Variants in CNTRL observed in about 807,000 individuals in gnomAD.
CNTRL encodes the protein 110 kDa centrosomal protein.
CNTRL carries 233 observed loss-of-function variants against 303.7 expected under a neutral mutation model. The observed-to-expected ratio is 0.77, with a 90% CI of 0.69 to 0.86. The LOEUF (loss-of-function observed/expected upper bound fraction) is 0.86, where lower values mean the gene tolerates loss of function less well. CNTRL is among the 40% of genes least tolerant of loss of function. CNTRL has a pLI of 0.00. For synonymous variants in CNTRL, 900 were observed against 922.2 expected (o/e 0.98, Z 0.44); for missense variants, 2,524 against 2,650.6 (o/e 0.95, Z 1.05).
At chr9:121,080,934 A>C (rs1286146193) in intron 2 of CNTRL, among the ~76,000 whole-genome samples, 1 of 152,214 alleles carries the variant, frequency 6.6e-6, no homozygotes, top group East Asian at 1.9e-4. Flanking sequence ...ATGAAGACCC[A>C]AAAAATGCAG....
intron 16 of CNTRL, among the ~76,000 whole-genome samples, chr9:121,138,914 A>G (rs952028352): frequency 1.3e-5 from 2 of 152,208 alleles, no homozygotes; most frequent in African/African-American, 2.4e-5. Flanking sequence ...AGATAGAGGC[A>G]GTGTCAGTAG....
At chr9:121,125,049 G>T (rs72760226) in intron 13 of CNTRL, among the ~76,000 whole-genome samples, 12,573 of 151,966 alleles carry the variant, frequency 0.083, 563 homozygotes, top group Non-Finnish European at 0.11. Flanking sequence ...AAGTGTTTAG[G>T]TTACACATTT....
Position 121,101,005 on chromosome 9 carries a change from A to T in CNTRL, c.808+2433A>T, listed in dbSNP as rs372555384. Among the ~76,000 whole-genome samples the T allele has an allele frequency of 1.7e-3, 202 of 118,426 alleles. 2 individuals carry two copies. Among genetic ancestry groups the T allele is most frequent in the African/African-American group, 5.0e-3 (185 of 37,000 alleles). The allele number at this position is 118,426 out of a possible 152,430, so 77.7% of individuals were successfully genotyped here. ...ACTGTCAATGTTAGATCCACAAGAG[A>T]GAAAGTTAACAAGGATATCCAGGAA... is the stretch of plus-strand genomic sequence containing the variant. On this transcript the variant is annotated intron_variant, in intron 7 of 43. Transcript: ENST00000373855.
intron 19 of CNTRL, among the ~76,000 whole-genome samples, chr9:121,143,401 A>G: frequency 6.6e-6 from 1 of 152,142 alleles, no homozygotes; most frequent in South Asian, 2.1e-4. Flanking sequence ...AGAGCAGCCA[A>G]GATGCTCTTT....
Position 121,138,646 on chromosome 9 carries a change from C to T in CNTRL, c.2304C>T (p.Asn768=). The stretch of plus-strand genomic sequence containing the variant: ...TCTCAGAAGAAAAGGAGCAAGAGAA[C>T]AGTGAGCTCCATGCAAAACTTAAAC... ...AQFSEEKEQE[N]SELHAKLKHL... is the part of the protein sequence containing the mutation. The change falls in exon 16 of 44, where the codon AAC becomes AAT. Residue 768 remains asparagine (N), a synonymous_variant. Transcript: ENST00000373855. The T allele has an allele frequency of 6.2e-7, 1 of 1,613,940 alleles. No individual in the cohort carries two copies. Among genetic ancestry groups the T allele is most frequent in the Middle Eastern group, 1.7e-4 (1 of 6,060 alleles).
At chr9:121,082,804 T>C (rs1386792702) in intron 2 of CNTRL, among the ~76,000 whole-genome samples, 1 of 151,992 alleles carries the variant, frequency 6.6e-6, no homozygotes, top group Non-Finnish European at 1.5e-5. Context: ...ACCCCGTCTC[T>C]ACTAAAAATA....
At position 121,141,591 on chromosome 9, in the gene CNTRL, A is replaced by G. The variant is rs2133990087; in HGVS notation, c.2691+3A>G. On this transcript the variant is annotated splice_donor_region_variant and intron_variant, in intron 18 of 43. Transcript: ENST00000373855. The stretch of plus-strand genomic sequence containing the variant: ...GTGAGAGAGCCCTGGAAGCAAGAGT[A>G]AGACAAGGGCAAGAGGCACCTGGAG... 1 of 1,613,710 alleles carries G rather than the reference A, an allele frequency of 6.2e-7. No individual in the cohort carries two copies. The highest frequency in any genetic ancestry group is 8.5e-7 in the Non-Finnish European group (1 of 1,179,764).
Position 121,166,160 on chromosome 9 carries a change from C to G in CNTRL, c.5635C>G (p.His1879Asp). 6.2e-7 allele frequency: 1 copy of G among 1,611,692 alleles called. No homozygotes were observed. Among genetic ancestry groups the G allele is most frequent in the African/African-American group, 1.3e-5 (1 of 74,854 alleles). Residue 1879 changes from histidine to aspartate, a missense_variant, in exon 36 of 44, where the codon CAT (histidine) becomes GAT (aspartate). Transcript: ENST00000373855. Reference sequence around the variant, plus strand: ...GGAGGAACTAGCTAATGTCCAAGACCATTTGAACCTAGCAAAACAGGTAAG... The same window carrying G: ...GGAGGAACTAGCTAATGTCCAAGACGATTTGAACCTAGCAAAACAGGTAAG... The part of the protein sequence containing the change: ...LQEELANVQD[H>D]LNLAKQDLLH...
intron 14 of CNTRL, among the ~76,000 whole-genome samples, chr9:121,135,532 G>A (rs1169059329): frequency 6.6e-6 from 1 of 151,990 alleles, no homozygotes; most frequent in African/African-American, 2.4e-5. Context: ...TCCTCCTTAT[G>A]TTTTTAGACT....
intron 7 of CNTRL, among the ~76,000 whole-genome samples, chr9:121,107,428 A>C (rs1400852708): frequency 2.6e-5 from 4 of 152,200 alleles, no homozygotes; most frequent in Non-Finnish European, 5.9e-5. Context: ...GAAGCTGTTG[A>C]AGGATTTTAA....
chr9:121,077,232 G>A (rs1228106580), intron 1 of CNTRL, among the ~76,000 whole-genome samples: 1 of 151,894 alleles, frequency 6.6e-6, no homozygotes, highest in African/African-American at 2.4e-5. Flanking sequence ...AACTTTATTT[G>A]CTTTTTTTTT....
chr9:121,137,410 G>T (rs1484080771), intron 15 of CNTRL, among the ~76,000 whole-genome samples: 3 of 152,130 alleles, frequency 2.0e-5, no homozygotes, highest in Non-Finnish European at 4.4e-5. Flanking sequence ...GTATCTGTTT[G>T]TTTCTGCTTT....
At position 121,124,028 on chromosome 9, in the gene CNTRL, C is replaced by A. The variant is rs1456303673; in HGVS notation, c.1748C>A (p.Ser583Tyr). The A allele has an allele frequency of 2.2e-5, 36 of 1,612,458 alleles. No homozygotes were observed. The highest frequency in any genetic ancestry group is 3.0e-5 in the Non-Finnish European group (35 of 1,179,410). The change falls in exon 13 of 44, where the codon TCT becomes TAT. Residue 583 changes from serine (S) to tyrosine (Y), a missense_variant. Transcript: ENST00000373855. Reference sequence around the variant, plus strand: ...GAAAGTCGTTTGGATGAGATACTTTCTAGAATTGCTAAGGAAACGGAAGAG... The same window carrying A: ...GAAAGTCGTTTGGATGAGATACTTTATAGAATTGCTAAGGAAACGGAAGAG... ...QLESRLDEILSRIAKETEEIK... is the reference protein window; with the variant it reads ...QLESRLDEILYRIAKETEEIK...
At chr9:121,159,077 T>C (rs2052727926) in intron 31 of CNTRL, 58 bp downstream of exon 31, 1 of 1,471,882 alleles carries the variant, frequency 6.8e-7, no homozygotes, top group Admixed American at 2.2e-5. Context: ...AGGTTTACTT[T>C]GATGTATTTT....
intron 1 of CNTRL, among the ~76,000 whole-genome samples, chr9:121,076,297 A>C (rs572558134): frequency 6.6e-6 from 1 of 152,284 alleles, no homozygotes; most frequent in East Asian, 1.9e-4. Flanking sequence ...TAATTAATGG[A>C]AAGAGATGGG....
At chr9:121,108,767 C>T (rs1249000703) in intron 8 of CNTRL, among the ~76,000 whole-genome samples, 1 of 151,700 alleles carries the variant, frequency 6.6e-6, no homozygotes, top group Non-Finnish European at 1.5e-5. Context: ...GACCCTGTCT[C>T]TACAAAAATA....
At chr9:121,106,276 C>A (rs2049464520) in intron 7 of CNTRL, among the ~76,000 whole-genome samples, 1 of 147,718 alleles carries the variant, frequency 6.8e-6, no homozygotes. Context: ...TAGACGGAGG[C>A]TGCAGTGAGC....
rs923442024 is a variant in CNTRL, at chr9:121,076,053, CA to C, written c.-205+989del. On this transcript the variant is annotated intron_variant, in intron 1 of 43. Transcript: ENST00000373855. ...GTGTTTAGTACAGTCCTTCAGTCAA[CA>C]AATATTTATTGTTTATAGAACAACA... 4.6e-5 allele frequency among the ~76,000 whole-genome samples: 7 copies of C among 152,162 alleles called. No homozygotes were observed. The East Asian group carries it at 1.2e-3, about 25-fold the overall frequency.
At chr9:121,101,105 C>A (rs1588104614) in intron 7 of CNTRL, among the ~76,000 whole-genome samples, 1 of 152,248 alleles carries the variant, frequency 6.6e-6, no homozygotes, top group South Asian at 2.1e-4. Flanking sequence ...ACATTCTTCT[C>A]AGCACCACAT....
Sources: allele counts gnomAD v4.1 joint callset (sites outside exome capture counted in the v4.1 genomes callset), GRCh38; gene constraint gnomAD v4.1.1; transcripts MANE v1.5; gene names NCBI Gene and HGNC (gene_info 2026-07-23, HGNC 2026-07-21).